Variants in MCTP1 observed in about 807,000 individuals in gnomAD.
MCTP1 encodes multiple C2 and transmembrane domain containing 1, also known as multiple C2 and transmembrane domain-containing protein 1.
MCTP1 carries 69 observed loss-of-function variants against 120.6 expected under a neutral mutation model. The ratio of observed to expected loss-of-function variants is 0.57; its 90% CI spans 0.47 to 0.70. The LOEUF (loss-of-function observed/expected upper bound fraction) is 0.70. MCTP1 is among the 30% of genes least tolerant of loss of function. MCTP1 has a pLI of 0.00. For synonymous variants in MCTP1, 529 were observed against 493.1 expected, an observed-to-expected ratio of 1.07 and a Z score of -0.96; for missense variants, 1,203 against 1,248.8, an observed-to-expected ratio of 0.96 and a Z score of 0.55.
At chr5:95,206,680 G>A (rs865868657) in intron 1 of MCTP1, among the ~76,000 whole-genome samples, 28 of 152,032 alleles carry the variant, frequency 1.8e-4, no homozygotes, top group African/African-American at 6.0e-4. Flanking sequence ...GACTTCAGGC[G>A]TGTGCCACCA....
chr5:94,791,606 T>TA (rs1561643755), intron 18 of MCTP1, among the ~76,000 whole-genome samples: 1 of 152,052 alleles, frequency 6.6e-6, no homozygotes, highest in Non-Finnish European at 1.5e-5. Flanking sequence ...TGTTGCAGAA[T>TA]AAAAAAAGTA....
chr5:94,840,596 G>T (rs1342080737), intron 17 of MCTP1, among the ~76,000 whole-genome samples: 4 of 151,916 alleles, frequency 2.6e-5, no homozygotes, highest in Non-Finnish European at 4.4e-5. Context: ...TCTAGTTTTG[G>T]GTTGGGAGAG....
At chr5:94,972,363 C>T (rs1581641976) in intron 2 of MCTP1, among the ~76,000 whole-genome samples, 1 of 152,222 alleles carries the variant, frequency 6.6e-6, no homozygotes, top group East Asian at 1.9e-4. Context: ...CAGCCATTTT[C>T]CCCCTTTCCC....
intron 1 of MCTP1, among the ~76,000 whole-genome samples, chr5:95,048,704 G>A (rs988614333): frequency 3.3e-5 from 5 of 152,170 alleles, no homozygotes; most frequent in East Asian, 3.9e-4. Context: ...TGGAAGACTC[G>A]ATTCTGAGTT....
chr5:95,137,248 G>T (rs1759517208), intron 1 of MCTP1, among the ~76,000 whole-genome samples: 1 of 152,168 alleles, frequency 6.6e-6, no homozygotes, highest in Admixed American at 6.5e-5. Context: ...TGATGAAGAG[G>T]ATAGATTCCG....
intron 2 of MCTP1, among the ~76,000 whole-genome samples, chr5:94,977,606 A>G (rs1278873737): frequency 2.0e-5 from 3 of 152,182 alleles, no homozygotes; most frequent in African/African-American, 7.2e-5. Flanking sequence ...ACAGCATGGT[A>G]CTGTGAAAAA....
chr5:94,947,577 T>TAGAGAGAGAG lies in MCTP1; in HGVS notation c.982-5160_982-5151dup, dbSNP rs3030518. On this transcript the variant is annotated intron_variant, in intron 3 of 22. Transcript: ENST00000515393. The stretch of plus-strand genomic sequence containing the variant: ...CTAAATATATATATATATATATATA[T>TAGAGAGAGAG]AGAGAGAGAGAGAGAGAGAGAGAGA... Among the ~76,000 whole-genome samples, 47 of 47,374 alleles carry TAGAGAGAGAG rather than the reference T, an allele frequency of 9.9e-4. 2 individuals are homozygous for TAGAGAGAGAG. Among genetic ancestry groups the TAGAGAGAGAG allele is most frequent in the Non-Finnish European group, 1.4e-3 (35 of 25,006 alleles). The allele number at this position is 47,374 out of a possible 152,430, so 31.1% of individuals were successfully genotyped here. A position where few individuals can be genotyped will look rare whatever the true frequency, so the allele number is the denominator to read the frequency against.
At chr5:94,800,692 G>A (rs879766506) in intron 17 of MCTP1, among the ~76,000 whole-genome samples, 4 of 151,962 alleles carry the variant, frequency 2.6e-5, no homozygotes, top group Admixed American at 6.5e-5. Context: ...TGTACCATCC[G>A]TTTTTTCAAT....
chr5:95,154,975 G>A (rs1386554205), intron 1 of MCTP1, among the ~76,000 whole-genome samples: 1 of 151,922 alleles, frequency 6.6e-6, no homozygotes, highest in Non-Finnish European at 1.5e-5. Flanking sequence ...TGAAGAGCAC[G>A]GTTTAGACAC....
intron 1 of MCTP1, among the ~76,000 whole-genome samples, chr5:95,021,394 AG>A (rs1838177683): frequency 6.6e-6 from 1 of 152,082 alleles, no homozygotes; most frequent in Admixed American, 6.6e-5. Context: ...AACTGCATTG[AG>A]TTTCTAGATT....
chr5:95,015,406 TTTAAA>T (rs1373073266), intron 2 of MCTP1, among the ~76,000 whole-genome samples: 3 of 152,132 alleles, frequency 2.0e-5, no homozygotes, highest in Non-Finnish European at 2.9e-5. Flanking sequence ...AGTTAAAGAC[TTTAAA>T]TTAATTAAGA....
intron 17 of MCTP1, among the ~76,000 whole-genome samples, chr5:94,859,862 G>T (rs1795421437): frequency 6.6e-6 from 1 of 151,556 alleles, no homozygotes; most frequent in African/African-American, 2.4e-5. Flanking sequence ...CAATCAAAAA[G>T]ATTAATTGAC....
In MCTP1 at chr5:94,710,786, C is replaced by T. The variant is rs753321560; in HGVS notation, c.2830+32G>A. ...CATAGTTTGTTCTTAGCAGCTAAGA[C>T]AGTTTGGGGGAGTGGGGGAGGCTTT... On this transcript the variant is annotated intron_variant, in intron 21 of 22. Transcript: ENST00000515393. 2.1e-6 allele frequency: 3 copies of T among 1,406,106 alleles called. No individual in the cohort carries two copies. In the African/African-American group the frequency reaches 4.3e-5, roughly 20 times the overall value. The allele number at this position is 1,406,106 out of a possible 1,614,324, so 87.1% of individuals were successfully genotyped here.
At chr5:94,809,546 C>A (rs767886096) in intron 17 of MCTP1, among the ~76,000 whole-genome samples, 2 of 152,048 alleles carry the variant, frequency 1.3e-5, no homozygotes, top group African/African-American at 4.8e-5. Flanking sequence ...AGTCTGTTAC[C>A]TTTGTAGTTT....
chr5:95,212,339 A>C (rs973897857), intron 1 of MCTP1, among the ~76,000 whole-genome samples: 1 of 152,180 alleles, frequency 6.6e-6, no homozygotes, highest in African/African-American at 2.4e-5. Flanking sequence ...TGAATAGACC[A>C]ATAACAGGAT....
At chr5:95,081,752 A>G in intron 1 of MCTP1, 2 of 1,184,622 alleles carry the variant, frequency 1.7e-6, no homozygotes, top group Non-Finnish European at 2.1e-6. Flanking sequence ...CAAAACTGTT[A>G]GTACAGATTA....
chr5:95,245,164 G>A (rs1756617189), intron 1 of MCTP1, among the ~76,000 whole-genome samples: 1 of 152,100 alleles, frequency 6.6e-6, no homozygotes, highest in South Asian at 2.1e-4. Flanking sequence ...CCCATCTGTA[G>A]GTCACCAACA....
intron 1 of MCTP1, among the ~76,000 whole-genome samples, chr5:95,132,893 T>C (rs1414124392): frequency 1.3e-5 from 2 of 152,190 alleles, no homozygotes; most frequent in African/African-American, 4.8e-5. Flanking sequence ...TTGATCACCA[T>C]AGTCCCTCAA....
At chr5:95,191,211 A>G (rs1749793085) in intron 1 of MCTP1, among the ~76,000 whole-genome samples, 1 of 152,038 alleles carries the variant, frequency 6.6e-6, no homozygotes, top group African/African-American at 2.4e-5. Flanking sequence ...GTATCTGTAC[A>G]AAGGGCTTAC....
Sources: gnomAD v4.1 joint callset for allele counts (sites outside exome capture counted in the v4.1 genomes callset) on GRCh38, gnomAD v4.1.1 for gene constraint, MANE v1.5 for transcripts, NCBI Gene and HGNC (gene_info 2026-07-23, HGNC 2026-07-21) for gene names.